Variants in RCC2 observed in about 807,000 individuals in gnomAD.
The protein encoded by RCC2 is regulator of chromosome condensation 2, also known as protein RCC2.
Under a neutral mutation model 64.1 loss-of-function variants are expected in RCC2, and 19 were observed. That is an observed-to-expected ratio of 0.30 (90% CI 0.21 to 0.44). RCC2 has a LOEUF of 0.44. RCC2 is among the 20% of genes least tolerant of loss of function. The pLI is 1.00. For missense variants in RCC2, 508 were observed against 710.4 expected, an observed-to-expected ratio of 0.72 and a Z score of 3.24; for synonymous variants, 325 against 279.6, an observed-to-expected ratio of 1.16 and a Z score of -1.62.
chr1:17,426,767 T>C (rs1477970112), intron 3 of RCC2, among the ~76,000 whole-genome samples: 5 of 60,874 alleles, frequency 8.2e-5, no homozygotes, highest in African/African-American at 2.5e-4. Flanking sequence ...TTCTTTTTTT[T>C]TTTTTTTTTT....
chr1:17,416,258 G>C (rs1226370828), intron 8 of RCC2, among the ~76,000 whole-genome samples: 3 of 152,116 alleles, frequency 2.0e-5, no homozygotes, highest in Non-Finnish European at 4.4e-5. Context: ...TTTAAGATGT[G>C]TCTATTTAAA....
chr1:17,426,973 C>G (rs941380888), intron 3 of RCC2, among the ~76,000 whole-genome samples: 14 of 152,160 alleles, frequency 9.2e-5, no homozygotes, highest in Admixed American at 7.9e-4. Flanking sequence ...ATTGGCCAGG[C>G]TGGTCTTTAA....
chr1:17,411,553 A>G (rs1013587250), intron 11 of RCC2, among the ~76,000 whole-genome samples: 6 of 150,226 alleles, frequency 4.0e-5, no homozygotes, highest in African/African-American at 1.5e-4. Flanking sequence ...ACTGCACTCC[A>G]GCCTGGGTGA....
At chr1:17,429,606 C>T (rs1557632238) in intron 2 of RCC2, among the ~76,000 whole-genome samples, 1 of 152,188 alleles carries the variant, frequency 6.6e-6, no homozygotes. Flanking sequence ...ATGGCAAGCA[C>T]GGCCTGCGAC....
At chr1:17,432,201 C>A (rs1333229182) in intron 2 of RCC2, among the ~76,000 whole-genome samples, 1 of 152,200 alleles carries the variant, frequency 6.6e-6, no homozygotes, top group African/African-American at 2.4e-5. Flanking sequence ...GGTGGCCCAG[C>A]CCCTGCAGCA....
chr1:17,434,748 G>A (rs1457744447), intron 2 of RCC2, among the ~76,000 whole-genome samples: 1 of 152,222 alleles, frequency 6.6e-6, no homozygotes, highest in Non-Finnish European at 1.5e-5. Flanking sequence ...CACCCAGCCG[G>A]TGTGTGCTGC....
Position 17,426,294 on chromosome 1 carries a change from G to T in RCC2, c.380-610C>A, listed in dbSNP as rs558049697. Among the ~76,000 whole-genome samples the T allele has an allele frequency of 4.6e-5, 7 of 152,122 alleles. No homozygotes were observed. The East Asian group carries it at 1.4e-3, about 29-fold the overall frequency. On this transcript the variant is annotated intron_variant, in intron 3 of 12. Coordinates refer to ENST00000375436, the MANE Select transcript of RCC2 (RefSeq NM_018715.4). The stretch of plus-strand genomic sequence containing the variant: ...CAGCTCCATCAGGCCCCTTGAGGAG[G>T]GGCACTGCTCACACAGTATCACCCC...
At chr1:17,437,012 T>TCACC (rs1430717723) in intron 2 of RCC2, among the ~76,000 whole-genome samples, 1 of 152,198 alleles carries the variant, frequency 6.6e-6, no homozygotes, top group Non-Finnish European at 1.5e-5. Flanking sequence ...GTTAACCCTT[T>TCACC]CACCCAGAAG....
chr1:17,409,915 G>A, intron 12 of RCC2, 59 bp downstream of exon 12: 1 of 1,384,738 alleles, frequency 7.2e-7, no homozygotes, highest in Non-Finnish European at 1.0e-6. Flanking sequence ...AAATCATGAG[G>A]AGTGACATAC....
At chr1:17,432,508 G>C (rs1459010793) in intron 2 of RCC2, among the ~76,000 whole-genome samples, 1 of 152,154 alleles carries the variant, frequency 6.6e-6, no homozygotes, top group Non-Finnish European at 1.5e-5. Context: ...GCAGGCGGAG[G>C]TTCATGGGCA....
intron 2 of RCC2, among the ~76,000 whole-genome samples, chr1:17,431,359 A>ATAAAAAATATATATATATATAT (rs1265674393): frequency 2.2e-5 from 1 of 44,938 alleles, no homozygotes; most frequent in Non-Finnish European, 3.8e-5. Context: ...AAAAAAAAAA[A>ATAAAAAATATATATATATATAT]ATATATATAT....
At position 17,436,253 on chromosome 1, in the gene RCC2, CA is replaced by C. The variant is rs568372349; in HGVS notation, c.285+1976del. Among the ~76,000 whole-genome samples, 16 of 152,342 alleles carry C rather than the reference CA, an allele frequency of 1.1e-4. No individual in the cohort carries two copies. In the East Asian group the frequency reaches 2.5e-3, roughly 24 times the overall value. On this transcript the variant is annotated intron_variant, in intron 2 of 12. Coordinates refer to ENST00000375436, the MANE Select transcript of RCC2 (RefSeq NM_018715.4). ...ACAGGGCTCGCGCCTGTCATCCCAGCACTTTGGAAGGAGGCTGAGGCAGGCA... is the reference window on the plus strand; with the variant it reads ...ACAGGGCTCGCGCCTGTCATCCCAGCCTTTGGAAGGAGGCTGAGGCAGGCA...
At position 17,416,338 on chromosome 1, in the gene RCC2, A is replaced by C. The variant is rs187696448; in HGVS notation, c.1026+142T>G. Reference sequence around the variant, plus strand: ...CCTGGGACCAAGGACCCTTTGGCCAAGGTGCAAAGCCCTCTTGAAGAAGCA... The same window carrying C: ...CCTGGGACCAAGGACCCTTTGGCCACGGTGCAAAGCCCTCTTGAAGAAGCA... On this transcript the variant is annotated intron_variant, in intron 8 of 12. Transcript: ENST00000375436. 7.5e-4 allele frequency: 654 copies of C among 877,064 alleles called. 1 individual carries two copies. In the African/African-American group the frequency reaches 9.6e-3, roughly 13 times the overall value. 54.3% of individuals were successfully genotyped at this position (877,064 alleles called of 1,614,324 possible). A position where few individuals can be genotyped will look rare whatever the true frequency, so the allele number is the denominator to read the frequency against.
chr1:17,417,819 A>G (rs1020250508), intron 7 of RCC2, among the ~76,000 whole-genome samples: 5 of 152,112 alleles, frequency 3.3e-5, no homozygotes, highest in African/African-American at 1.2e-4. Flanking sequence ...GCACTGTGCT[A>G]TTTAAATACA....
chr1:17,431,293 C>T (rs1445365195), intron 2 of RCC2, among the ~76,000 whole-genome samples: 1 of 132,392 alleles, frequency 7.6e-6, no homozygotes, highest in Non-Finnish European at 1.6e-5. Context: ...AAGATCGCAC[C>T]ACTGCACTCC....
intron 4 of RCC2, among the ~76,000 whole-genome samples, chr1:17,423,922 G>T (rs1460196218): frequency 6.6e-6 from 1 of 152,244 alleles, no homozygotes; most frequent in Non-Finnish European, 1.5e-5. Flanking sequence ...AGAAGGAATT[G>T]CGACGAAGGG....
chr1:17,408,894 G>T lies in RCC2; in HGVS notation c.*196C>A. 1.9e-6 allele frequency: 1 copy of T among 529,276 alleles called. No individual in the cohort carries two copies. Among genetic ancestry groups the T allele is most frequent in the South Asian group, 3.0e-5 (1 of 32,810 alleles). The allele number at this position is 529,276 out of a possible 1,614,324, so 32.8% of individuals were successfully genotyped here. A position where few individuals can be genotyped will look rare whatever the true frequency, so the allele number is the denominator to read the frequency against. ...AATTCAACATTAAGGGAAAAAAAAG[G>T]ACTTTGGAAAGCATACAGAAAAAAA... On this transcript the variant is annotated 3_prime_UTR_variant, in exon 13 of 13. Transcript: ENST00000375436.
chr1:17,431,176 C>CA (rs1489813476), intron 2 of RCC2, among the ~76,000 whole-genome samples: 1 of 146,972 alleles, frequency 6.8e-6, no homozygotes, highest in Non-Finnish European at 1.5e-5. Context: ...ACTAAAAATA[C>CA]AAAAAAAATT....
chr1:17,412,624 C>T (rs931189824), intron 10 of RCC2, among the ~76,000 whole-genome samples: 1 of 152,232 alleles, frequency 6.6e-6, no homozygotes, highest in African/African-American at 2.4e-5. Flanking sequence ...TCCACCCACA[C>T]CTGCCAGCTG....
Sources: allele counts gnomAD v4.1 joint callset (sites outside exome capture counted in the v4.1 genomes callset), GRCh38; gene constraint gnomAD v4.1.1; transcripts MANE v1.5; gene names NCBI Gene and HGNC (gene_info 2026-07-23, HGNC 2026-07-21).